ADGRF4: variants seen among roughly 807,000 people sequenced by gnomAD.
ADGRF4 encodes G-protein coupled receptor PGR18.
Under a neutral mutation model 58.5 loss-of-function variants are expected in ADGRF4, and 63 were observed. The ratio of observed to expected loss-of-function variants is 1.08; its 90% CI spans 0.88 to 1.33. The LOEUF is 1.33. Among genes scored for constraint, ADGRF4 ranks in the 40% most tolerant of loss-of-function variants. The pLI is 0.00. For missense variants in ADGRF4, 931 were observed against 843.9 expected (o/e 1.10, Z -1.28); for synonymous variants, 313 against 295.4 (o/e 1.06, Z -0.61).
At chr6:47,715,629 T>C (rs1480094343) in intron 6 of ADGRF4, 1 of 155,522 alleles carries the variant, frequency 6.4e-6, no homozygotes, top group Non-Finnish European at 1.4e-5. Flanking sequence ...CTCATACCTC[T>C]TTCCTGCTAG....
intron 2 of ADGRF4, 63 bp downstream of exon 2, chr6:47,707,401 A>T (rs1370090411): frequency 1.1e-6 from 1 of 906,242 alleles, no homozygotes; most frequent in Non-Finnish European, 1.9e-6. Context: ...CAATGGCAAG[A>T]CTTCTGATAA....
intron 1 of ADGRF4, among the ~76,000 whole-genome samples, chr6:47,706,266 T>C (rs1581691432): frequency 6.6e-6 from 1 of 152,188 alleles, no homozygotes; most frequent in South Asian, 2.1e-4. Context: ...AGGATTTTTT[T>C]TGAGATTTGG....
intron 1 of ADGRF4, among the ~76,000 whole-genome samples, chr6:47,702,768 C>A (rs1771618708): frequency 6.6e-6 from 1 of 152,240 alleles, no homozygotes; most frequent in Middle Eastern, 3.4e-3. Context: ...ATTTTGTTGA[C>A]AAACTGAACA....
At chr6:47,706,678 A>G (rs938680107) in intron 1 of ADGRF4, among the ~76,000 whole-genome samples, 5 of 152,224 alleles carry the variant, frequency 3.3e-5, no homozygotes, top group African/African-American at 1.2e-4. Flanking sequence ...TAGCACCGTC[A>G]CAGAGATATC....
intron 7 of ADGRF4, 25 bp downstream of exon 7, chr6:47,716,872 A>G: frequency 6.5e-7 from 1 of 1,531,924 alleles, no homozygotes; most frequent in Non-Finnish European, 9.0e-7. Flanking sequence ...CTTCCTCCTT[A>G]TAAATGGTTT....
intron 4 of ADGRF4, among the ~76,000 whole-genome samples, chr6:47,711,166 G>A (rs1182052206): frequency 6.6e-6 from 1 of 151,548 alleles, no homozygotes; most frequent in African/African-American, 2.4e-5. Flanking sequence ...GTATATGATT[G>A]CTTAGAGGTT....
rs987370860 is a variant in ADGRF4 at position 47,712,272 on chromosome 6, A to G, written c.301-85A>G. ...CTTTGCTTCTCCATCTACCTTACCCATGTAGATTGTGCTTTAACTCCTTTA... is the reference window on the plus strand; with the variant it reads ...CTTTGCTTCTCCATCTACCTTACCCGTGTAGATTGTGCTTTAACTCCTTTA... On this transcript the variant is annotated intron_variant, in intron 4 of 9. Coordinates refer to ENST00000283303, the MANE Select transcript of ADGRF4 (RefSeq NM_153838.5). The G allele has an allele frequency of 1.5e-5, 20 of 1,351,372 alleles. No homozygotes were observed. In the East Asian group the frequency reaches 3.2e-4, roughly 22 times the overall value. The allele number at this position is 1,351,372 out of a possible 1,614,324, so 83.7% of individuals were successfully genotyped here.
intron 1 of ADGRF4, among the ~76,000 whole-genome samples, chr6:47,704,940 T>G (rs1035788253): frequency 1.3e-5 from 2 of 152,116 alleles, no homozygotes; most frequent in African/African-American, 2.4e-5. Flanking sequence ...TTTGTTTTTG[T>G]TTTTTTGTGA....
intron 1 of ADGRF4, among the ~76,000 whole-genome samples, chr6:47,699,990 C>T (rs898617071): frequency 1.3e-5 from 2 of 151,384 alleles, no homozygotes; most frequent in Non-Finnish European, 2.9e-5. Context: ...CTCTAGTTAA[C>T]CTCTTTGGAT....
At chr6:47,718,523 T>G in intron 9 of ADGRF4, 78 bp downstream of exon 9, 1 of 831,518 alleles carries the variant, frequency 1.2e-6, no homozygotes. Flanking sequence ...ACCACACTAT[T>G]GCCTGCTACG....
rs1464296398 is a variant in ADGRF4 at position 47,714,837 on chromosome 6, T to C, written c.1592T>C (p.Val531Ala). Residue 531 changes from valine (V) to alanine (A), a missense_variant, in exon 6 of 10, where the codon GTC becomes GCC. By Grantham distance (64) the Val-to-Ala change is moderately conservative (BLOSUM62 0). Coordinates refer to ENST00000283303, the MANE Select transcript of ADGRF4 (RefSeq NM_153838.5). Reference protein sequence around the residue: ...IGYGCPLIIAVTTVAITEPEK... With the variant: ...IGYGCPLIIAATTVAITEPEK... ...TATGGGTGCCCATTGATCATTGCTG[T>C]CACTACAGTTGCTATCACAGAGCCA... 1 of 1,611,910 alleles carries C rather than the reference T, an allele frequency of 6.2e-7. No homozygotes were observed. The highest frequency in any genetic ancestry group is 8.5e-7 in the Non-Finnish European group (1 of 1,178,056).
At position 47,715,124 on chromosome 6, in the gene ADGRF4, GA is replaced by G; in HGVS notation, c.1881del (p.Gly628AlafsTer4). On this transcript the variant is annotated frameshift_variant, in exon 6 of 10. Transcript: ENST00000283303. LOFTEE classifies it high-confidence loss of function. Reference protein sequence around the residue: ...TWGFGIATLIEGTSLTFHIIF... With the variant: ...TWGFGIATLIXGTSLTFHIIF... ...GGGTTTTGGAATAGCCACTCTCATA[GA>G]AGGCACTTCCTTGACGTTCCATATA... 6.2e-7 allele frequency: 1 copy of G among 1,603,280 alleles called. No individual in the cohort carries two copies. Among genetic ancestry groups the G allele is most frequent in the Non-Finnish European group, 8.5e-7 (1 of 1,170,830 alleles).
intron 1 of ADGRF4, among the ~76,000 whole-genome samples, chr6:47,701,570 T>C (rs1771588443): frequency 6.6e-6 from 1 of 152,110 alleles, no homozygotes; most frequent in African/African-American, 2.4e-5. Context: ...CAGGCAAGAG[T>C]TCTTTTGCTT....
intron 4 of ADGRF4, among the ~76,000 whole-genome samples, chr6:47,711,477 G>T (rs147330846): frequency 0.016 from 2,385 of 152,286 alleles, 73 homozygotes; most frequent in African/African-American, 0.055. Flanking sequence ...TGGCCAGGAT[G>T]GTCTTGATCT....
rs535974694 is a variant in ADGRF4 at position 47,700,989 on chromosome 6, G to T, written c.-17+2195G>T. Among the ~76,000 whole-genome samples the T allele has an allele frequency of 4.3e-3, 652 of 152,208 alleles. 3 individuals are homozygous for T. Among genetic ancestry groups the T allele is most frequent in the African/African-American group, 0.014 (568 of 41,504 alleles). ...GGCCTAATTTCTCTCAGGCTCTGGG[G>T]GGGAAGAGCACAAATTGTTGTGCTC... is the stretch of plus-strand genomic sequence containing the variant. On this transcript the variant is annotated intron_variant, in intron 1 of 9. Coordinates refer to ENST00000283303, the MANE Select transcript of ADGRF4 (RefSeq NM_153838.5).
chr6:47,708,295 C>G lies in ADGRF4; in HGVS notation c.148+17C>G. Reference sequence around the variant, plus strand: ...GGATCCAAGGTATGTGGCTATAGAACAGTCTTCATCCATTTGAAGACAGGG... The same window carrying G: ...GGATCCAAGGTATGTGGCTATAGAAGAGTCTTCATCCATTTGAAGACAGGG... On this transcript the variant is annotated intron_variant, in intron 3 of 9. Coordinates refer to ENST00000283303, the MANE Select transcript of ADGRF4 (RefSeq NM_153838.5). The G allele has an allele frequency of 6.3e-7, 1 of 1,587,860 alleles. No individual in the cohort carries two copies. Among genetic ancestry groups the G allele is most frequent in the Non-Finnish European group, 8.6e-7 (1 of 1,156,332 alleles).
At position 47,715,255 on chromosome 6, in the gene ADGRF4, A is replaced by C. The variant is rs74759462; in HGVS notation, c.1932+78A>C. On this transcript the variant is annotated intron_variant, in intron 6 of 9. Transcript: ENST00000283303. ...AATGGCTATGATTTGAAATTATATA[A>C]CACAAAATGTTCTCTCCACTTCCTT... 4.4e-4 allele frequency: 456 copies of C among 1,041,590 alleles called. 7 individuals carry two copies. In the East Asian group the frequency reaches 0.011, roughly 25 times the overall value. 64.5% of individuals were successfully genotyped at this position (1,041,590 alleles called of 1,614,324 possible). A position where few individuals can be genotyped will look rare whatever the true frequency, so the allele number is the denominator to read the frequency against.
At chr6:47,705,113 A>G (rs1170592470) in intron 1 of ADGRF4, among the ~76,000 whole-genome samples, 1 of 152,082 alleles carries the variant, frequency 6.6e-6, no homozygotes, top group Non-Finnish European at 1.5e-5. Context: ...TATTTTCAGT[A>G]GAGATGGAGT....
At chr6:47,708,203 T>C (rs767689622) in intron 2 of ADGRF4, 21 bp from the exon 3 acceptor site, 3 of 1,597,012 alleles carry the variant, frequency 1.9e-6, no homozygotes, top group Non-Finnish European at 2.6e-6. Context: ...AAGAGGACCA[T>C]TGGGAATTTA....
Sources: gnomAD v4.1 joint callset for allele counts (sites outside exome capture counted in the v4.1 genomes callset) on GRCh38, gnomAD v4.1.1 for gene constraint, MANE v1.5 for transcripts, NCBI Gene and HGNC (gene_info 2026-07-23, HGNC 2026-07-21) for gene names.